The following PRSS23 variants were observed in gnomAD, a reference collection of about 807,000 sequenced individuals.
PRSS23 encodes serine protease 23.
PRSS23 carries 25 observed loss-of-function variants against 34.7 expected under a neutral mutation model. That is an observed-to-expected ratio of 0.72 (90% CI 0.53 to 1.01). The LOEUF is 1.01. Among genes scored for constraint, PRSS23 ranks in the 50% least tolerant of loss-of-function variants. The pLI, the probability that PRSS23 is intolerant of heterozygous loss-of-function variation, is 0.00. For missense variants in PRSS23, 445 were observed against 475.6 expected (o/e 0.94, Z 0.60); for synonymous variants, 176 against 186.6 (o/e 0.94, Z 0.46).
chr11:86,931,770 G>C (rs1424217454), intron 2 of PRSS23, among the ~76,000 whole-genome samples: 1 of 152,068 alleles, frequency 6.6e-6, no homozygotes, highest in Non-Finnish European at 1.5e-5. Context: ...GCCTCCTAAA[G>C]TGCTGGGATT....
intron 2 of PRSS23, among the ~76,000 whole-genome samples, chr11:86,899,975 G>A (rs1348719043): frequency 1.3e-5 from 2 of 152,056 alleles, no homozygotes; most frequent in Non-Finnish European, 2.9e-5. Flanking sequence ...AAATCCAAAG[G>A]CAAATCTGAT....
chr11:86,853,509 C>G (rs1373128629), intron 2 of PRSS23, among the ~76,000 whole-genome samples: 1 of 152,066 alleles, frequency 6.6e-6, no homozygotes, highest in East Asian at 1.9e-4. Flanking sequence ...CCCACGTTGG[C>G]CTCCCAAAAT....
At chr11:86,798,127 C>T (rs1297470456), upstream of PRSS23, among the ~76,000 whole-genome samples, 1 of 152,176 alleles carries the variant, frequency 6.6e-6, no homozygotes, top group Non-Finnish European at 1.5e-5. Flanking sequence ...TCCAGCTGCA[C>T]CTCCAGTTCC....
chr11:86,866,166 C>G (rs1948648128), intron 2 of PRSS23, among the ~76,000 whole-genome samples: 1 of 152,084 alleles, frequency 6.6e-6, no homozygotes, highest in African/African-American at 2.4e-5. Flanking sequence ...GATATCCAGC[C>G]CCTCAAAGTG....
chr11:86,888,795 G>T (rs1344682971), intron 2 of PRSS23, among the ~76,000 whole-genome samples: 2 of 152,208 alleles, frequency 1.3e-5, no homozygotes, highest in Non-Finnish European at 1.5e-5. Context: ...GTAACTTCAT[G>T]CTGATAGCAC....
intron 2 of PRSS23, among the ~76,000 whole-genome samples, chr11:86,870,800 T>G (rs1288410834): frequency 6.6e-6 from 1 of 152,222 alleles, no homozygotes; most frequent in African/African-American, 2.4e-5. Flanking sequence ...TCCAGTAAAT[T>G]GTTCATTTCC....
chr11:86,823,862 C>T (rs996613618), intron 2 of PRSS23, among the ~76,000 whole-genome samples: 10 of 151,036 alleles, frequency 6.6e-5, no homozygotes, highest in East Asian at 2.0e-4. Flanking sequence ...AAAAATTAGC[C>T]GGGCGTGGTA....
intron 1 of PRSS23, among the ~76,000 whole-genome samples, chr11:86,818,650 C>T (rs1453649784): frequency 6.6e-6 from 1 of 152,162 alleles, no homozygotes; most frequent in Non-Finnish European, 1.5e-5. Context: ...GACTTTTGCT[C>T]ATTCTTGGAT....
At chr11:86,804,040 G>C in intron 1 of PRSS23, among the ~76,000 whole-genome samples, 1 of 152,082 alleles carries the variant, frequency 6.6e-6, no homozygotes, top group East Asian at 1.9e-4. Context: ...CGTGATTCTG[G>C]AAAATTATAA....
chr11:86,928,458 G>A (rs1949098338), intron 2 of PRSS23, among the ~76,000 whole-genome samples: 1 of 147,786 alleles, frequency 6.8e-6, no homozygotes, highest in East Asian at 2.0e-4. Flanking sequence ...GGCAGATCAT[G>A]AGGTCAGGAG....
chr11:86,951,731 A>G lies in PRSS23; in HGVS notation c.*446A>G, dbSNP rs570839659. Reference sequence around the variant, plus strand: ...TGCAATGTGGAAATAAGAGCTGTGCATTTCAATGGCTTCATGACCCCATTT... The same window carrying G: ...TGCAATGTGGAAATAAGAGCTGTGCGTTTCAATGGCTTCATGACCCCATTT... On this transcript the variant is annotated 3_prime_UTR_variant, in exon 3 of 3. Transcript: ENST00000533902. The G allele has an allele frequency of 5.6e-6, 9 of 1,614,210 alleles. No individual in the cohort carries two copies. The African/African-American group carries it at 8.0e-5, about 14-fold the overall frequency.
intron 2 of PRSS23, among the ~76,000 whole-genome samples, chr11:86,900,779 C>T (rs7119641): frequency 1.4e-5 from 1 of 71,108 alleles, no homozygotes; most frequent in African/African-American, 7.3e-5. Context: ...TTATCTCTCT[C>T]TCTTTTTTTT....
chr11:86,946,131 C>G (rs1396438484), intron 2 of PRSS23: 3 of 152,548 alleles, frequency 2.0e-5, no homozygotes, highest in East Asian at 3.9e-4. Context: ...TTCAGAAACA[C>G]CTCCATGCCT....
At chr11:86,903,411 TACA>T (rs1194185087) in intron 2 of PRSS23, among the ~76,000 whole-genome samples, 1 of 152,106 alleles carries the variant, frequency 6.6e-6, no homozygotes, top group Admixed American at 6.5e-5. Flanking sequence ...ACTGGTCATT[TACA>T]ACCCAGCCCT....
In PRSS23 at chr11:86,867,108, A is replaced by G. The variant is rs1348529599; in HGVS notation, c.206+43515A>G. On this transcript the variant is annotated intron_variant, in intron 2 of 2. Transcript: ENST00000533902. ...GATACAGAACCAGGGTATCTAATCT[A>G]GCTTCATCCCCGAGCAGAAATGTCT... is the stretch of plus-strand genomic sequence containing the variant. Among the ~76,000 whole-genome samples the G allele has an allele frequency of 2.5e-4, 38 of 152,208 alleles. 1 individual carries two copies. Among genetic ancestry groups the G allele is most frequent in the Admixed American group, 2.4e-3 (37 of 15,268 alleles).
chr11:86,936,182 G>A lies in PRSS23; in HGVS notation c.207-15034G>A, dbSNP rs951526618. The A allele has an allele frequency of 2.0e-5, 3 of 152,228 alleles. No homozygotes were observed. The South Asian group carries it at 6.2e-4, about 32-fold the overall frequency. 9.4% of individuals were successfully genotyped at this position (152,228 alleles called of 1,614,324 possible). A position where few individuals can be genotyped will look rare whatever the true frequency, so the allele number is the denominator to read the frequency against. On this transcript the variant is annotated intron_variant, in intron 2 of 2. Transcript: ENST00000533902. ...AGGGTTCATTGTGAACCACCTGGCAGGACTTGGGGGCTCTGTGTGGTGGCT... is the reference window on the plus strand; with the variant it reads ...AGGGTTCATTGTGAACCACCTGGCAAGACTTGGGGGCTCTGTGTGGTGGCT...
intron 1 of PRSS23, among the ~76,000 whole-genome samples, chr11:86,822,607 G>A (rs1400535176): frequency 6.8e-6 from 1 of 146,486 alleles, no homozygotes; most frequent in Non-Finnish European, 1.5e-5. Context: ...GGCGACAAGA[G>A]TGTGAACCTG....
In PRSS23 at chr11:86,803,306, G is replaced by C. The variant is rs545334826; in HGVS notation, c.-14+2655G>C. Among the ~76,000 whole-genome samples, 46 of 152,312 alleles carry C rather than the reference G, an allele frequency of 3.0e-4. 1 individual carries two copies. Among genetic ancestry groups the C allele is most frequent in the African/African-American group, 9.6e-4 (40 of 41,562 alleles). On this transcript the variant is annotated intron_variant, in intron 1 of 1. Transcript: ENST00000280258. The stretch of plus-strand genomic sequence containing the variant: ...CAAGGATAAGGTGATTCATTTATAA[G>C]GGTGAGAGAGAATTTAAAATCATGT...
At chr11:86,941,853 A>G (rs1949209301) in intron 2 of PRSS23, among the ~76,000 whole-genome samples, 1 of 151,998 alleles carries the variant, frequency 6.6e-6, no homozygotes, top group Admixed American at 6.6e-5. Context: ...TTTCCTTCCT[A>G]TGGTGGCCAT....
Sources: gnomAD v4.1 joint callset for allele counts (sites outside exome capture counted in the v4.1 genomes callset) on GRCh38, gnomAD v4.1.1 for gene constraint, MANE v1.5 for transcripts, NCBI Gene and HGNC (gene_info 2026-07-23, HGNC 2026-07-21) for gene names.